PCDHA3: variants seen among roughly 807,000 people sequenced by gnomAD.
PCDHA3 encodes protocadherin alpha 3, also known as protocadherin alpha-3.
Under a neutral mutation model 62.2 loss-of-function variants are expected in PCDHA3, and 41 were observed. The observed-to-expected ratio is 0.66, with a 90% CI of 0.51 to 0.86. The LOEUF is 0.86. Among genes scored for constraint, PCDHA3 ranks in the 40% least tolerant of loss-of-function variants. PCDHA3 has a pLI of 0.00. For synonymous variants in PCDHA3, 640 were observed against 555.4 expected (o/e 1.15, Z -2.14); for missense variants, 1,304 against 1,241.2 (o/e 1.05, Z -0.76).
chr5:140,901,917 T>C (rs776284320), intron 1 of PCDHA3, among the ~76,000 whole-genome samples: 15 of 152,090 alleles, frequency 9.9e-5, no homozygotes, highest in Admixed American at 4.6e-4. Context: ...ATCTTTCACT[T>C]CTTTGGTTAA....
chr5:140,970,657 T>C (rs1487534093), intron 1 of PCDHA3, among the ~76,000 whole-genome samples: 1 of 152,232 alleles, frequency 6.6e-6, no homozygotes, highest in Non-Finnish European at 1.5e-5. Context: ...TGAATTGTTA[T>C]CTTTCCAAAT....
chr5:140,926,106 G>A (rs952874240), intron 1 of PCDHA3, among the ~76,000 whole-genome samples: 9 of 152,176 alleles, frequency 5.9e-5, no homozygotes, highest in African/African-American at 2.2e-4. Flanking sequence ...GGATACAAGA[G>A]GGTGCAGGAC....
intron 1 of PCDHA3, chr5:140,813,022 C>A (rs1765213710): frequency 6.6e-6 from 1 of 152,056 alleles, no homozygotes; most frequent in African/African-American, 2.4e-5. Flanking sequence ...GGATTTCAAC[C>A]TTCTTGAATT....
chr5:140,904,225 T>A (rs782022279), intron 1 of PCDHA3, among the ~76,000 whole-genome samples: 5 of 152,020 alleles, frequency 3.3e-5, no homozygotes, highest in Non-Finnish European at 5.9e-5. Context: ...CATTGTATTA[T>A]ACTTATGCCT....
At chr5:140,945,000 G>T (rs980802301) in intron 1 of PCDHA3, among the ~76,000 whole-genome samples, 2 of 151,862 alleles carry the variant, frequency 1.3e-5, no homozygotes. Flanking sequence ...AACGGTTGTG[G>T]GTCATGAATT....
At chr5:140,806,160 G>C (rs1444505962) in intron 1 of PCDHA3, among the ~76,000 whole-genome samples, 5 of 152,112 alleles carry the variant, frequency 3.3e-5, no homozygotes, top group African/African-American at 1.2e-4. Context: ...GTTATAAAAT[G>C]GGGTAAATTG....
intron 1 of PCDHA3, chr5:140,822,056 T>C (rs2150113263): frequency 6.2e-7 from 1 of 1,614,216 alleles, no homozygotes; most frequent in Admixed American, 1.7e-5. Context: ...CGGGAGGAGC[T>C]GTGCCGGCGG....
rs2150131677 is a variant in PCDHA3 at position 140,824,025 on chromosome 5, G to A, written c.2394+20434G>A. ...GCGCGGTGGGGAGCTGGTCGTACTC[G>A]CAGCAGAGGAGACAGAGGGTGTGCT... is the stretch of plus-strand genomic sequence containing the variant. On this transcript the variant is annotated intron_variant, in intron 1 of 3. Transcript: ENST00000522353. The A allele has an allele frequency of 1.1e-5, 17 of 1,614,020 alleles. No homozygotes were observed. In the African/African-American group the frequency reaches 1.7e-4, roughly 16 times the overall value.
At position 140,822,392 on chromosome 5, in the gene PCDHA3, A is replaced by G. The variant is rs17844288; in HGVS notation, c.2394+18801A>G. 2.5e-6 allele frequency: 4 copies of G among 1,614,134 alleles called. No homozygotes were observed. In the East Asian group the frequency reaches 8.9e-5, roughly 36 times the overall value. ...TCCTTAGATAGAGAAGAAACACAAGAACACCGTTTATTAGTGATTGCAACT... is the reference window on the plus strand; with the variant it reads ...TCCTTAGATAGAGAAGAAACACAAGGACACCGTTTATTAGTGATTGCAACT... On this transcript the variant is annotated intron_variant, in intron 1 of 3. Coordinates refer to ENST00000522353, the MANE Select transcript of PCDHA3 (RefSeq NM_018906.3).
intron 1 of PCDHA3, among the ~76,000 whole-genome samples, chr5:140,943,664 T>G (rs1404337303): frequency 6.6e-6 from 1 of 151,998 alleles, no homozygotes; most frequent in Non-Finnish European, 1.5e-5. Flanking sequence ...GAACAATGTA[T>G]AAAGTGTGAA....
chr5:140,841,588 G>A (rs2150318650), intron 1 of PCDHA3: 2 of 1,614,070 alleles, frequency 1.2e-6, no homozygotes, highest in South Asian at 2.2e-5. Flanking sequence ...TGAATTCTCG[G>A]ATCGACCGCG....
chr5:140,988,818 CCAAA>C (rs1193685505), intron 3 of PCDHA3: 2 of 152,060 alleles, frequency 1.3e-5, no homozygotes, highest in Non-Finnish European at 2.9e-5. Flanking sequence ...AACAGTAGCC[CCAAA>C]CAGAGATCAC....
chr5:140,883,995 C>A (rs1371206040), intron 1 of PCDHA3: 2 of 1,612,878 alleles, frequency 1.2e-6, no homozygotes, highest in Non-Finnish European at 8.5e-7. Flanking sequence ...GCGGGAGGCA[C>A]AGTGAGCGAG....
At chr5:140,946,679 CG>C (rs1355438071) in intron 1 of PCDHA3, among the ~76,000 whole-genome samples, 1 of 144,750 alleles carries the variant, frequency 6.9e-6, no homozygotes, top group Non-Finnish European at 1.5e-5. Flanking sequence ...TCCTGTCATT[CG>C]TGACAATATG....
intron 1 of PCDHA3, chr5:140,863,675 G>T (rs782582155): frequency 1.1e-4 from 31 of 292,406 alleles, no homozygotes; most frequent in South Asian, 4.0e-4. Context: ...TTTTGCTTTT[G>T]CTTTTTCTTT....
chr5:140,843,123 C>T lies in PCDHA3; in HGVS notation c.2394+39532C>T, dbSNP rs2150353254. ...AAGGTGCGCGCAGTGGACGCCGACT[C>T]GGGCTACAACGCGTGGCTTTCGTAT... On this transcript the variant is annotated intron_variant, in intron 1 of 3. Transcript: ENST00000522353. 18 of 1,595,788 alleles carry T rather than the reference C, an allele frequency of 1.1e-5. No homozygotes were observed. The East Asian group carries it at 3.6e-4, about 32-fold the overall frequency.
chr5:140,876,754 C>T, intron 1 of PCDHA3: 2 of 1,614,210 alleles, frequency 1.2e-6, no homozygotes, highest in Non-Finnish European at 1.7e-6. Context: ...GGTGACTGCG[C>T]GGGATGGGGG....
intron 1 of PCDHA3, among the ~76,000 whole-genome samples, chr5:140,894,258 G>T (rs2153446538): frequency 6.6e-6 from 1 of 151,918 alleles, no homozygotes; most frequent in South Asian, 2.1e-4. Flanking sequence ...TTCTTTACAA[G>T]TGGTAGCTTA....
chr5:140,862,236 A>G (rs2047269421), intron 1 of PCDHA3: 1 of 213,620 alleles, frequency 4.7e-6, no homozygotes, highest in African/African-American at 2.3e-5. Context: ...CTTGGACATC[A>G]ATGATAGTGT....
Sources: gnomAD v4.1 joint callset for allele counts (sites outside exome capture counted in the v4.1 genomes callset) on GRCh38, gnomAD v4.1.1 for gene constraint, MANE v1.5 for transcripts, NCBI Gene and HGNC (gene_info 2026-07-23, HGNC 2026-07-21) for gene names.